TRANK1: variants seen among roughly 807,000 people sequenced by gnomAD.
TRANK1 encodes the protein tetratricopeptide repeat and ankyrin repeat containing 1.
TRANK1 carries 198 observed loss-of-function variants against 266.0 expected under a neutral mutation model. The ratio of observed to expected loss-of-function variants is 0.74; its 90% CI spans 0.66 to 0.84. TRANK1 has a LOEUF of 0.84. Among genes scored for constraint, TRANK1 ranks in the 40% least tolerant of loss-of-function variants. TRANK1 has a pLI of 0.00. For missense variants in TRANK1, 3,326 were observed against 3,634.6 expected, an observed-to-expected ratio of 0.92 and a Z score of 2.18; for synonymous variants, 1,396 against 1,384.1, an observed-to-expected ratio of 1.01 and a Z score of -0.19.
chr3:36,865,293 T>G (rs1409295784), intron 9 of TRANK1, among the ~76,000 whole-genome samples: 2 of 152,198 alleles, frequency 1.3e-5, no homozygotes, highest in African/African-American at 4.8e-5. Flanking sequence ...CCCAAAGTGC[T>G]GGGATTACAG....
chr3:36,940,349 A>T (rs1034966429), intron 1 of TRANK1, among the ~76,000 whole-genome samples: 1 of 151,758 alleles, frequency 6.6e-6, no homozygotes, highest in Non-Finnish European at 1.5e-5. Context: ...AGTACAAAAA[A>T]ATTAGCCGGG....
At chr3:36,930,830 G>A (rs773638889) in intron 1 of TRANK1, among the ~76,000 whole-genome samples, 3 of 152,182 alleles carry the variant, frequency 2.0e-5, no homozygotes, top group Non-Finnish European at 2.9e-5. Context: ...CTGGAAGAAT[G>A]GAAATGTGTA....
At chr3:36,907,465 T>C (rs1013027590) in intron 2 of TRANK1, among the ~76,000 whole-genome samples, 30 of 145,252 alleles carry the variant, frequency 2.1e-4, no homozygotes, top group Admixed American at 6.2e-4. Flanking sequence ...ATTGATTTTT[T>C]TTTTTTTTTT....
Position 36,832,502 on chromosome 3 carries a change from C to T in TRANK1, c.7081G>A (p.Glu2361Lys), listed in dbSNP as rs759739685. The change falls in exon 22 of 24, where the codon GAA becomes AAA. Residue 2361 changes from glutamate (E) to lysine (K), a missense_variant. Physicochemically the swap from Glu to Lys is moderately conservative, Grantham distance 56. Transcript: ENST00000645898. ...LHQEEDNYNRELKALESEKDE... is the reference protein window; with the variant it reads ...LHQEEDNYNRKLKALESEKDE... ...TTTTCAGACTCTAGAGCTTTGAGTT[C>T]CCTGTTGTAGTTGTCCTCCTCCTGG... The T allele has an allele frequency of 6.2e-7, 1 of 1,613,910 alleles. No homozygotes were observed. Among genetic ancestry groups the T allele is most frequent in the South Asian group, 1.1e-5 (1 of 91,076 alleles).
chr3:36,919,624 T>C (rs1432289713), intron 1 of TRANK1, among the ~76,000 whole-genome samples: 1 of 152,252 alleles, frequency 6.6e-6, no homozygotes, highest in South Asian at 2.1e-4. Flanking sequence ...TGTCTGCCTT[T>C]CTTCCCAGGA....
chr3:36,882,521 A>T (rs755672662), intron 8 of TRANK1, among the ~76,000 whole-genome samples: 2 of 152,236 alleles, frequency 1.3e-5, no homozygotes, highest in African/African-American at 4.8e-5. Flanking sequence ...AAGAATCTAA[A>T]TGTAAAAAAA....
At chr3:36,935,043 G>T (rs993366424) in intron 1 of TRANK1, among the ~76,000 whole-genome samples, 4 of 152,128 alleles carry the variant, frequency 2.6e-5, no homozygotes, top group Non-Finnish European at 5.9e-5. Context: ...CAGATCATGT[G>T]CTATGTGTCC....
Position 36,944,876 on chromosome 3 carries a change from C to A in TRANK1, c.-67G>T. On this transcript the variant is annotated 5_prime_UTR_variant, in exon 1 of 24. Transcript: ENST00000645898. ...GGGAAGCGCTTCCCTGTGGGCAGGGCGCGGCGGGCAGTGCGGAAGCCCGAA... is the reference window on the plus strand; with the variant it reads ...GGGAAGCGCTTCCCTGTGGGCAGGGAGCGGCGGGCAGTGCGGAAGCCCGAA... 8 of 1,380,318 alleles carry A rather than the reference C, an allele frequency of 5.8e-6. No individual in the cohort carries two copies. The highest frequency in any genetic ancestry group is 7.5e-6 in the Non-Finnish European group (8 of 1,069,070). The allele number at this position is 1,380,318 out of a possible 1,614,324, so 85.5% of individuals were successfully genotyped here.
chr3:36,856,606 T>A lies in TRANK1; in HGVS notation c.3116A>T (p.Asn1039Ile). The change falls in exon 13 of 24, where the codon AAC (asparagine) becomes ATC (isoleucine). Residue 1039 changes from asparagine (N) to isoleucine (I), a missense_variant. Asn to Ile is a moderately radical substitution (Grantham distance 149). Coordinates refer to ENST00000645898, the MANE Select transcript of TRANK1 (RefSeq NM_001329998.2). ...TGTGGCTGTCGTGTCATTGAGGATG[T>A]TAAAGGCCATGTTGGTGCTGAAGCT... ...FHSFSTNMAF[N>I]ILNDTTATVE... The A allele has an allele frequency of 6.2e-7, 1 of 1,614,032 alleles. No homozygotes were observed. Among genetic ancestry groups the A allele is most frequent in the Non-Finnish European group, 8.5e-7 (1 of 1,179,898 alleles).
Position 36,857,324 on chromosome 3 carries a change from G to C in TRANK1, c.2398C>G (p.Leu800Val). Residue 800 changes from leucine to valine, a missense_variant, in exon 13 of 24, where the codon CTT (leucine) becomes GTT (valine). Coordinates refer to ENST00000645898, the MANE Select transcript of TRANK1 (RefSeq NM_001329998.2). This position sits in a 1 kb window ranked among gnomAD's most constrained non-coding sequence, Gnocchi z 4.3. ...TTCCCCCTGTTATCATCAGGCACAAGCTGCAAGGCCCCAAGGCCCACCTGA... is the reference window on the plus strand; with the variant it reads ...TTCCCCCTGTTATCATCAGGCACAACCTGCAAGGCCCCAAGGCCCACCTGA... The part of the protein sequence containing the change: ...HAQVGLGALQ[L>V]VPDDNRGKEG... 1.2e-6 allele frequency: 2 copies of C among 1,608,812 alleles called. No individual in the cohort carries two copies. Among genetic ancestry groups the C allele is most frequent in the Non-Finnish European group, 1.7e-6 (2 of 1,177,526 alleles).
chr3:36,905,768 G>A (rs557651654), intron 2 of TRANK1, among the ~76,000 whole-genome samples: 1 of 152,286 alleles, frequency 6.6e-6, no homozygotes, highest in Admixed American at 6.5e-5. Flanking sequence ...TATGGGATCA[G>A]GCAAATCTTG....
intron 11 of TRANK1, 46 bp from the exon 12 acceptor site, chr3:36,858,940 G>T (rs776342009): frequency 6.8e-7 from 1 of 1,473,374 alleles, no homozygotes. Flanking sequence ...GGCACAGCCT[G>T]GCTCGCCTGA....
rs1559449826 is a variant in TRANK1, at chr3:36,880,064, G to GTAAACATACAAATATATA, written c.908-5769_908-5768insTATATATTTGTATGTTTA. 14 of 14,026 alleles carry GTAAACATACAAATATATA rather than the reference G, an allele frequency of 1.0e-3. 7 individuals carry two copies. The highest frequency in any genetic ancestry group is 4.8e-3 in the South Asian group (2 of 418). The allele number at this position is 14,026 out of a possible 1,614,324, so 0.9% of individuals were successfully genotyped here. ...AATATATGTAAACATACAAATATAT[G>GTAAACATACAAATATATA]TAAACATGCAAATATATATAAACAT... On this transcript the variant is annotated intron_variant, in intron 8 of 23. Coordinates refer to ENST00000645898, the MANE Select transcript of TRANK1 (RefSeq NM_001329998.2).
upstream of TRANK1, among the ~76,000 whole-genome samples, chr3:36,945,721 A>G (rs1006695035): frequency 1.2e-4 from 19 of 152,128 alleles, no homozygotes; most frequent in African/African-American, 4.1e-4. Context: ...TGGTCTTCAC[A>G]GCTTCTCTGG....
At chr3:36,926,842 C>A (rs994334894) in intron 1 of TRANK1, among the ~76,000 whole-genome samples, 1 of 152,176 alleles carries the variant, frequency 6.6e-6, no homozygotes, top group African/African-American at 2.4e-5. Flanking sequence ...TTCTTAACCT[C>A]ACTAATATGT....
In TRANK1 at chr3:36,847,278, C is replaced by T; in HGVS notation, c.4956G>A (p.Arg1652=). ...PTSTDSREEN[R]PLVEVPLDKP... is the part of the protein sequence containing the mutation. ...TGTCCAGGGGTACTTCAACCAATGG[C>T]CGGTTTTCCTCTCTGGAGTCAGTTG... Residue 1652 remains arginine (R), a synonymous_variant, in exon 16 of 24, where the codon CGG becomes CGA. Transcript: ENST00000645898. The T allele has an allele frequency of 6.2e-7, 1 of 1,613,586 alleles. No individual in the cohort carries two copies. The highest frequency in any genetic ancestry group is 1.1e-5 in the South Asian group (1 of 90,984).
intron 2 of TRANK1, among the ~76,000 whole-genome samples, chr3:36,906,772 C>T (rs900439195): frequency 6.6e-6 from 1 of 152,196 alleles, no homozygotes; most frequent in African/African-American, 2.4e-5. Context: ...AGAGCCTCCA[C>T]AAAGAACCAG....
intron 5 of TRANK1, among the ~76,000 whole-genome samples, chr3:36,894,331 C>G (rs2125610047): frequency 6.6e-6 from 1 of 151,614 alleles, no homozygotes; most frequent in African/African-American, 2.4e-5. Flanking sequence ...GCTAATGAGG[C>G]CTAAGGCCTC....
At chr3:36,881,458 AC>A (rs2079530973) in intron 8 of TRANK1, among the ~76,000 whole-genome samples, 1 of 151,454 alleles carries the variant, frequency 6.6e-6, no homozygotes, top group Non-Finnish European at 1.5e-5. Flanking sequence ...CAAAAAAAAA[AC>A]AAAATTAGCC....
Sources: allele counts gnomAD v4.1 joint callset (sites outside exome capture counted in the v4.1 genomes callset), GRCh38; gene constraint gnomAD v4.1.1; non-coding constraint Gnocchi (gnomAD v3.1); transcripts MANE v1.5; gene names NCBI Gene and HGNC (gene_info 2026-07-23, HGNC 2026-07-21).